Variants in KLHL4 observed in about 807,000 individuals in gnomAD.
KLHL4 encodes the protein kelch-like protein 4.
KLHL4 carries 17 observed loss-of-function variants against 45.8 expected under a neutral mutation model. The observed-to-expected ratio is 0.37, with a 90% CI of 0.25 to 0.56. The LOEUF (loss-of-function observed/expected upper bound fraction) is 0.56, where lower values mean the gene tolerates loss of function less well. Among genes scored for constraint, KLHL4 ranks in the 20% least tolerant of loss-of-function variants. The pLI, the probability that KLHL4 is intolerant of heterozygous loss-of-function variation, is 0.79. For synonymous variants in KLHL4, 224 were observed against 189.9 expected (o/e 1.18, Z -1.47); for missense variants, 544 against 544.9 (o/e 1.00, Z 0.02).
intron 1 of KLHL4, among the ~76,000 whole-genome samples, chrX:87,590,250 T>A (rs947898922): frequency 1.5e-4 from 16 of 109,968 alleles, no homozygotes; most frequent in African/African-American, 5.3e-4. Flanking sequence ...ATGTACCCCA[T>A]AAATATATAC....
chrX:87,630,765 T>C (rs1171201234), intron 6 of KLHL4, among the ~76,000 whole-genome samples: 2 of 111,795 alleles, frequency 1.8e-5, no homozygotes, highest in Non-Finnish European at 3.8e-5. Flanking sequence ...TACAATTATA[T>C]TAACACTTAA....
At chrX:87,653,784 G>A (rs1923896710) in intron 9 of KLHL4, among the ~76,000 whole-genome samples, 1 of 111,753 alleles carries the variant, frequency 8.9e-6, no homozygotes, top group Non-Finnish European at 1.9e-5. Flanking sequence ...ATACACCATG[G>A]GATACTATGC....
intron 1 of KLHL4, among the ~76,000 whole-genome samples, chrX:87,567,007 T>C (rs6614695): frequency 0.45 from 49,317 of 108,852 alleles, 8,120 homozygotes; most frequent in East Asian, 0.77. Context: ...TACAATAAAC[T>C]CCCATGACAC....
intron 6 of KLHL4, among the ~76,000 whole-genome samples, chrX:87,627,263 T>A: frequency 9.2e-6 from 1 of 108,512 alleles, no homozygotes. Context: ...AGAAAGGGAG[T>A]GGAGGAAAGA....
intron 5 of KLHL4, among the ~76,000 whole-genome samples, chrX:87,624,206 C>T (rs902170777): frequency 2.7e-5 from 3 of 112,313 alleles, no homozygotes; most frequent in Non-Finnish European, 5.6e-5. Flanking sequence ...GTACAACCAA[C>T]AGTACCGTGG....
chrX:87,600,838 G>A (rs5924053), intron 1 of KLHL4, among the ~76,000 whole-genome samples: 1 of 108,779 alleles, frequency 9.2e-6, no homozygotes, highest in African/African-American at 3.5e-5. Flanking sequence ...GTATCTTCAC[G>A]AAGATTTGAT....
chrX:87,618,571 G>A (rs1367071292), intron 4 of KLHL4, among the ~76,000 whole-genome samples: 1 of 111,736 alleles, frequency 8.9e-6, no homozygotes, highest in East Asian at 2.8e-4. Flanking sequence ...CGCAATCTCA[G>A]CTCACTGCAA....
intron 9 of KLHL4, among the ~76,000 whole-genome samples, chrX:87,649,143 C>T (rs2147835125): frequency 9.0e-6 from 1 of 111,072 alleles, no homozygotes; most frequent in South Asian, 3.7e-4. Flanking sequence ...CATTTTTCAT[C>T]TGCTCAGATT....
chrX:87,669,613 A>G lies in KLHL4; in HGVS notation c.*3079A>G. 2.9e-6 allele frequency: 1 copy of G among 340,026 alleles called. No individual in the cohort carries two copies. The allele number at this position is 340,026 out of a possible 1,213,427, so 28.0% of individuals were successfully genotyped here. A position where few individuals can be genotyped will look rare whatever the true frequency, so the allele number is the denominator to read the frequency against. On this transcript the variant is annotated 3_prime_UTR_variant, in exon 11 of 11. Coordinates refer to ENST00000373119, the MANE Select transcript of KLHL4 (RefSeq NM_019117.5). ...AGTCTAGGTAAAGAAAAAAAAAAAA[A>G]GGTCATGAAACACAAATGTCCTCAA... is the stretch of plus-strand genomic sequence containing the variant.
At chrX:87,526,535 G>T (rs920750671) in intron 1 of KLHL4, among the ~76,000 whole-genome samples, 1 of 112,006 alleles carries the variant, frequency 8.9e-6, no homozygotes, top group African/African-American at 3.2e-5. Context: ...TCAAAGAAAA[G>T]AAAGTCTTTC....
intron 1 of KLHL4, among the ~76,000 whole-genome samples, chrX:87,556,919 C>T (rs148086840): frequency 1.5e-4 from 17 of 111,265 alleles, no homozygotes; most frequent in Middle Eastern, 4.6e-3. Flanking sequence ...AGGGGAAAGC[C>T]TGATGCGCTT....
chrX:87,630,934 C>G (rs1414688796), intron 6 of KLHL4, among the ~76,000 whole-genome samples: 1 of 111,293 alleles, frequency 9.0e-6, no homozygotes, highest in Non-Finnish European at 1.9e-5. Flanking sequence ...AGAAATTTAA[C>G]AGGCAAAAGA....
At position 87,520,103 on chromosome X, in the gene KLHL4, G is replaced by A. The variant is rs1930971798; in HGVS notation, c.422+1788G>A. On this transcript the variant is annotated intron_variant, in intron 1 of 10. Transcript: ENST00000373119. ...GGAAATGGTTTTATAGGTGTGCCAA[G>A]GATATCTTAGGCAGGAGGGGCTAAA... Among the ~76,000 whole-genome samples the A allele has an allele frequency of 2.7e-5, 3 of 111,985 alleles. No individual in the cohort carries two copies. The Admixed American group carries it at 2.9e-4, about 11-fold the overall frequency.
chrX:87,548,189 GGA>G (rs1931725117), intron 1 of KLHL4, among the ~76,000 whole-genome samples: 1 of 111,913 alleles, frequency 8.9e-6, no homozygotes. Flanking sequence ...TTACAGGCCA[GGA>G]GAGAGTGGCA....
chrX:87,554,023 AT>A (rs1238677155), intron 1 of KLHL4, among the ~76,000 whole-genome samples: 1 of 107,162 alleles, frequency 9.3e-6, no homozygotes, highest in Non-Finnish European at 1.9e-5. Context: ...AGATCAGATA[AT>A]TGTAGATATG....
At chrX:87,606,645 A>T (rs1922208833) in intron 1 of KLHL4, among the ~76,000 whole-genome samples, 1 of 111,098 alleles carries the variant, frequency 9.0e-6, no homozygotes, top group South Asian at 3.8e-4. Context: ...CCCTATCAAG[A>T]TTAAATTATG....
intron 1 of KLHL4, among the ~76,000 whole-genome samples, chrX:87,606,660 A>C (rs1223641834): frequency 9.0e-6 from 1 of 111,229 alleles, no homozygotes; most frequent in Non-Finnish European, 1.9e-5. Flanking sequence ...ATTATGAATA[A>C]ATAGAAACTC....
intron 9 of KLHL4, among the ~76,000 whole-genome samples, chrX:87,649,548 T>C (rs900556786): frequency 8.9e-6 from 1 of 111,858 alleles, no homozygotes; most frequent in African/African-American, 3.2e-5. Flanking sequence ...ATATATTTTT[T>C]CTTGTTGACT....
intron 1 of KLHL4, among the ~76,000 whole-genome samples, chrX:87,549,713 A>C (rs1931770274): frequency 9.0e-6 from 1 of 111,320 alleles, no homozygotes; most frequent in African/African-American, 3.2e-5. Flanking sequence ...TAAAAAAGAA[A>C]TTGACAAAAA....
Sources: allele counts gnomAD v4.1 joint callset (sites outside exome capture counted in the v4.1 genomes callset), GRCh38; gene constraint gnomAD v4.1.1; transcripts MANE v1.5; gene names NCBI Gene and HGNC (gene_info 2026-07-23, HGNC 2026-07-21).